CTTNBP2NL: variants seen among roughly 807,000 people sequenced by gnomAD.
The protein encoded by CTTNBP2NL is CTTNBP2 N-terminal like, also known as CTTNBP2 N-terminal-like protein.
CTTNBP2NL carries 16 observed loss-of-function variants against 32.5 expected under a neutral mutation model. The ratio of observed to expected loss-of-function variants is 0.49; its 90% CI spans 0.33 to 0.75. CTTNBP2NL has a LOEUF of 0.75. CTTNBP2NL is among the 30% of genes least tolerant of loss of function. CTTNBP2NL has a pLI of 0.02. For missense variants in CTTNBP2NL, 645 were observed against 756.0 expected (o/e 0.85, Z 1.72); for synonymous variants, 298 against 289.4 (o/e 1.03, Z -0.30).
At chr1:112,401,805 A>C (rs532792840) in intron 1 of CTTNBP2NL, among the ~76,000 whole-genome samples, 2 of 152,294 alleles carry the variant, frequency 1.3e-5, no homozygotes, top group South Asian at 4.1e-4. Flanking sequence ...GTTATTTCCA[A>C]ACTCTGCATT....
intron 3 of CTTNBP2NL, among the ~76,000 whole-genome samples, chr1:112,427,809 T>G (rs1557890781): frequency 6.8e-6 from 1 of 147,062 alleles, no homozygotes; most frequent in Non-Finnish European, 1.5e-5. Flanking sequence ...GGCAGGAGAA[T>G]CCCTTGAACC....
chr1:112,431,632 C>T (rs1309587202), intron 3 of CTTNBP2NL, among the ~76,000 whole-genome samples: 1 of 152,110 alleles, frequency 6.6e-6, no homozygotes, highest in Admixed American at 6.6e-5. Context: ...CTGTAAACAA[C>T]ATAAATGTTC....
intron 1 of CTTNBP2NL, among the ~76,000 whole-genome samples, chr1:112,404,097 T>G (rs1015974673): frequency 1.3e-5 from 2 of 152,178 alleles, no homozygotes; most frequent in Non-Finnish European, 2.9e-5. Context: ...AGTTCAAAGG[T>G]TAAATGGATG....
Position 112,456,863 on chromosome 1 carries a change from A to G in CTTNBP2NL, c.1371A>G (p.Gln457=), listed in dbSNP as rs559313986. The G allele has an allele frequency of 6.2e-7, 1 of 1,614,080 alleles. No homozygotes were observed. The highest frequency in any genetic ancestry group is 1.1e-5 in the South Asian group (1 of 91,068). The part of the protein sequence containing the change: ...YQSSYQVGIN[Q]RFHAARHKFQ... ...CATCGTACCAAGTAGGGATCAACCA[A>G]CGGTTCCATGCAGCTCGCCACAAAT... is the stretch of plus-strand genomic sequence containing the variant. The change falls in exon 6 of 6, where the codon CAA becomes CAG. Residue 457 remains glutamine, a synonymous_variant. Transcript: ENST00000271277.
At chr1:112,402,885 G>T (rs770026291) in intron 1 of CTTNBP2NL, among the ~76,000 whole-genome samples, 3 of 151,974 alleles carry the variant, frequency 2.0e-5, no homozygotes, top group Non-Finnish European at 4.4e-5. Flanking sequence ...CCTCTTGGGG[G>T]TCAAATAACT....
rs146761427 is a variant in CTTNBP2NL, at chr1:112,409,579, C to A, written c.-133-2615C>A. On this transcript the variant is annotated intron_variant, in intron 1 of 5. Coordinates refer to ENST00000271277, the MANE Select transcript of CTTNBP2NL (RefSeq NM_018704.3). Reference sequence around the variant, plus strand: ...GATATGCTCACACCCAGATAATAGACAGACAAACATCTTGCTTGTACTCCA... The same window carrying A: ...GATATGCTCACACCCAGATAATAGAAAGACAAACATCTTGCTTGTACTCCA... 8.6e-3 allele frequency among the ~76,000 whole-genome samples: 1,305 copies of A among 152,292 alleles called. 13 individuals carry two copies. Among genetic ancestry groups the A allele is most frequent in the Non-Finnish European group, 0.013 (900 of 68,028 alleles).
chr1:112,416,585 C>T (rs1649073407), intron 3 of CTTNBP2NL, among the ~76,000 whole-genome samples: 1 of 151,628 alleles, frequency 6.6e-6, no homozygotes, highest in Non-Finnish European at 1.5e-5. Flanking sequence ...GCAACTTCTG[C>T]CTCCTGCATT....
At chr1:112,447,200 A>G (rs980919171) in intron 3 of CTTNBP2NL, among the ~76,000 whole-genome samples, 6 of 150,894 alleles carry the variant, frequency 4.0e-5, no homozygotes, top group Non-Finnish European at 7.4e-5. Flanking sequence ...CGTGAACCCA[A>G]GAGGTGGAGC....
chr1:112,425,997 G>GTC (rs1333616194), intron 3 of CTTNBP2NL, among the ~76,000 whole-genome samples: 59 of 132,396 alleles, frequency 4.5e-4, no homozygotes, highest in African/African-American at 1.3e-3. Context: ...GTGTGTGTGT[G>GTC]TGTGTGTCTG....
chr1:112,414,615 A>G (rs539049596), intron 2 of CTTNBP2NL: 9 of 152,312 alleles, frequency 5.9e-5, no homozygotes, highest in Admixed American at 5.2e-4. Context: ...TTTCCATAAG[A>G]GTGGCAATTT....
At chr1:112,406,992 T>C (rs1426762292) in intron 1 of CTTNBP2NL, among the ~76,000 whole-genome samples, 1 of 152,238 alleles carries the variant, frequency 6.6e-6, no homozygotes, top group Non-Finnish European at 1.5e-5. Context: ...AATTTCTTTG[T>C]AAGTGCACTA....
intron 4 of CTTNBP2NL, among the ~76,000 whole-genome samples, chr1:112,452,645 C>CTTTTTTTTTTTTTTTTTTTTT (rs34842059): frequency 3.8e-4 from 51 of 133,086 alleles, no homozygotes; most frequent in African/African-American, 1.5e-3. Context: ...CTCCTGGCCT[C>CTTTTTTTTTTTTTTTTTTTTT]TTTTTTTTTT....
chr1:112,454,677 G>T (rs1454083134), intron 5 of CTTNBP2NL, 121 bp downstream of exon 5: 2 of 755,920 alleles, frequency 2.6e-6, no homozygotes, highest in Non-Finnish European at 2.3e-6. Context: ...ATAAGTTTAG[G>T]AACTACTGGA....
intron 3 of CTTNBP2NL, among the ~76,000 whole-genome samples, chr1:112,443,670 C>T (rs1387289077): frequency 6.6e-6 from 1 of 152,116 alleles, no homozygotes; most frequent in Non-Finnish European, 1.5e-5. Context: ...TAAATCATGA[C>T]AATTTTCTCT....
At chr1:112,441,124 A>C (rs1198254551) in intron 3 of CTTNBP2NL, among the ~76,000 whole-genome samples, 1 of 152,210 alleles carries the variant, frequency 6.6e-6, no homozygotes, top group Admixed American at 6.5e-5. Flanking sequence ...ACAGATGCAC[A>C]CATCCACATA....
At chr1:112,391,270 GGGAGAAGGGGTGGGGTC>G (rs1486546084), upstream of CTTNBP2NL, among the ~76,000 whole-genome samples, 4 of 152,314 alleles carry the variant, frequency 2.6e-5, no homozygotes, top group Admixed American at 2.6e-4. Context: ...ATCAACCCCG[GGGAGAAGGGGTGGGGTC>G]GGGAAGCGTG....
At chr1:112,413,376 T>C (rs1458146900) in intron 2 of CTTNBP2NL, among the ~76,000 whole-genome samples, 2 of 152,210 alleles carry the variant, frequency 1.3e-5, no homozygotes, top group Non-Finnish European at 2.9e-5. Context: ...TTAAATTCTT[T>C]TGAAAAATGA....
At chr1:112,405,255 T>C (rs1283406039) in intron 1 of CTTNBP2NL, among the ~76,000 whole-genome samples, 1 of 152,172 alleles carries the variant, frequency 6.6e-6, no homozygotes, top group Non-Finnish European at 1.5e-5. Context: ...TTGTCTCAGA[T>C]GAGAATACCT....
rs753193149 is a variant in CTTNBP2NL at position 112,456,633 on chromosome 1, T to G, written c.1141T>G (p.Leu381Val). ...QVPPREKSVA[L>V]AQEKPVENGG... ...GCCTCCACGGGAAAAATCTGTGGCA[T>G]TGGCCCAAGAGAAACCAGTGGAGAA... Residue 381 changes from leucine to valine, a missense_variant, in exon 6 of 6, where the codon TTG (leucine) becomes GTG (valine). Physicochemically the swap from Leu to Val is conservative, Grantham distance 32. Transcript: ENST00000271277. 2.5e-6 allele frequency: 4 copies of G among 1,614,098 alleles called. No homozygotes were observed. The African/African-American group carries it at 4.0e-5, about 16-fold the overall frequency.
Sources: gnomAD v4.1 joint callset for allele counts (sites outside exome capture counted in the v4.1 genomes callset) on GRCh38, gnomAD v4.1.1 for gene constraint, MANE v1.5 for transcripts, NCBI Gene and HGNC (gene_info 2026-07-23, HGNC 2026-07-21) for gene names.